SNTG1: variants seen among roughly 807,000 people sequenced by gnomAD.
SNTG1 encodes the protein syntrophin gamma 1.
In SNTG1, 39 loss-of-function variants were observed where a neutral mutation model predicts 74.7. The ratio of observed to expected loss-of-function variants is 0.52; its 90% CI spans 0.40 to 0.68. SNTG1 has a LOEUF of 0.68. Among genes scored for constraint, SNTG1 ranks in the 30% least tolerant of loss-of-function variants. SNTG1 has a pLI of 0.00. For synonymous variants in SNTG1, 254 were observed against 217.1 expected, an observed-to-expected ratio of 1.17 and a Z score of -1.49; for missense variants, 685 against 609.5, an observed-to-expected ratio of 1.12 and a Z score of -1.30.
chr8:50,776,271 T>A (rs894885129), intron 18 of SNTG1, among the ~76,000 whole-genome samples: 1 of 150,684 alleles, frequency 6.6e-6, no homozygotes, highest in Non-Finnish European at 1.5e-5. Context: ...CTGTTCTTAG[T>A]GTCTACTCTC....
At chr8:50,039,325 G>T (rs1818425744) in intron 1 of SNTG1, among the ~76,000 whole-genome samples, 1 of 151,678 alleles carries the variant, frequency 6.6e-6, no homozygotes, top group Non-Finnish European at 1.5e-5. Context: ...CATGGTGGCG[G>T]GCGCCTGTAG....
intron 1 of SNTG1, among the ~76,000 whole-genome samples, chr8:49,940,841 C>T (rs1808619941): frequency 6.6e-6 from 1 of 152,086 alleles, no homozygotes; most frequent in African/African-American, 2.4e-5. Context: ...CATCATGAGA[C>T]AGGATACTGC....
At chr8:50,042,146 A>T (rs902536780) in intron 1 of SNTG1, among the ~76,000 whole-genome samples, 4 of 152,194 alleles carry the variant, frequency 2.6e-5, no homozygotes, top group South Asian at 4.1e-4. Flanking sequence ...GCCTTTATAC[A>T]TGAGACAATT....
At chr8:50,190,934 G>A (rs1194940594) in intron 2 of SNTG1, among the ~76,000 whole-genome samples, 1 of 152,068 alleles carries the variant, frequency 6.6e-6, no homozygotes, top group Non-Finnish European at 1.5e-5. Flanking sequence ...AGATAGAATG[G>A]TGCAATTATG....
rs140515432 is a variant in SNTG1 at position 50,482,922 on chromosome 8, A to G, written c.364-19856A>G. 2.6e-5 allele frequency among the ~76,000 whole-genome samples: 4 copies of G among 152,268 alleles called. No homozygotes were observed. In the East Asian group the frequency reaches 7.7e-4, roughly 29 times the overall value. On this transcript the variant is annotated intron_variant, in intron 8 of 18. Transcript: ENST00000642720. Reference sequence around the variant, plus strand: ...CATGAACACATGAAATTCCCCAAAGATGTTTTATTTATTGATTTTTCTTAT... The same window carrying G: ...CATGAACACATGAAATTCCCCAAAGGTGTTTTATTTATTGATTTTTCTTAT...
At chr8:50,249,438 G>C (rs1187403028) in intron 2 of SNTG1, among the ~76,000 whole-genome samples, 2 of 152,170 alleles carry the variant, frequency 1.3e-5, no homozygotes, top group Non-Finnish European at 2.9e-5. Context: ...GCAGCCCCTG[G>C]ACTCACATGT....
intron 9 of SNTG1, among the ~76,000 whole-genome samples, chr8:50,526,243 C>G (rs1042834585): frequency 6.6e-6 from 1 of 152,146 alleles, no homozygotes; most frequent in African/African-American, 2.4e-5. Context: ...GTCAGTGACA[C>G]AGAAACCAGA....
At chr8:50,316,995 T>A (rs2090342311) in intron 2 of SNTG1, among the ~76,000 whole-genome samples, 2 of 152,214 alleles carry the variant, frequency 1.3e-5, no homozygotes, top group South Asian at 4.1e-4. Context: ...GCAATGATTA[T>A]AAAGGTCTAA....
intron 2 of SNTG1, among the ~76,000 whole-genome samples, chr8:50,221,958 T>G (rs768053260): frequency 1.3e-5 from 2 of 152,092 alleles, no homozygotes; most frequent in Non-Finnish European, 2.9e-5. Context: ...TTTTCAAAGA[T>G]AGTTTGGTAG....
intron 13 of SNTG1, among the ~76,000 whole-genome samples, chr8:50,602,669 G>A (rs972878160): frequency 2.0e-5 from 3 of 152,104 alleles, no homozygotes; most frequent in African/African-American, 4.8e-5. Flanking sequence ...ACTGCTTATA[G>A]CATTTCTTGT....
At chr8:50,023,269 A>C (rs374885727) in intron 1 of SNTG1, among the ~76,000 whole-genome samples, 1 of 152,172 alleles carries the variant, frequency 6.6e-6, no homozygotes, top group Non-Finnish European at 1.5e-5. Flanking sequence ...GTAAGCTAGT[A>C]TTCCATTACC....
chr8:49,922,798 A>C (rs1445043659), intron 1 of SNTG1, among the ~76,000 whole-genome samples: 1 of 152,124 alleles, frequency 6.6e-6, no homozygotes, highest in African/African-American at 2.4e-5. Flanking sequence ...GACCATTGCT[A>C]TTTTTATCCT....
intron 2 of SNTG1, among the ~76,000 whole-genome samples, chr8:50,381,696 ATTAG>A (rs1323980844): frequency 7.3e-6 from 1 of 137,850 alleles, no homozygotes; most frequent in Non-Finnish European, 1.5e-5. Context: ...TATATATCCT[ATTAG>A]TTATATATAT....
intron 1 of SNTG1, among the ~76,000 whole-genome samples, chr8:50,148,501 G>T (rs1586479745): frequency 6.6e-6 from 1 of 152,246 alleles, no homozygotes; most frequent in Middle Eastern, 3.4e-3. Flanking sequence ...TTGGTGTGCT[G>T]CACCCATTAA....
At chr8:50,115,807 A>T (rs965741689) in intron 1 of SNTG1, among the ~76,000 whole-genome samples, 1 of 151,954 alleles carries the variant, frequency 6.6e-6, no homozygotes, top group Non-Finnish European at 1.5e-5. Context: ...TTAGCTTAAG[A>T]CTTATTTTAT....
intron 1 of SNTG1, among the ~76,000 whole-genome samples, chr8:49,968,442 A>T (rs999830596): frequency 7.9e-5 from 12 of 152,004 alleles, no homozygotes; most frequent in Non-Finnish European, 2.9e-5. Context: ...AGGTTGGCAC[A>T]ATGTCTTGAC....
In SNTG1 at chr8:50,346,762, G is replaced by A. The variant is rs74909533; in HGVS notation, c.-27-47450G>A. On this transcript the variant is annotated intron_variant, in intron 2 of 18. Transcript: ENST00000642720. The stretch of plus-strand genomic sequence containing the variant: ...TATTGTGGATATGGAGAAAGCATTA[G>A]TGATCTGTGTAGAAGATCAAAACAG... Among the ~76,000 whole-genome samples the A allele has an allele frequency of 2.0e-3, 298 of 152,362 alleles. 1 individual carries two copies. The highest frequency in any genetic ancestry group is 6.9e-3 in the African/African-American group (287 of 41,580).
chr8:50,787,206 T>A (rs1393492385), intron 18 of SNTG1, among the ~76,000 whole-genome samples: 1 of 151,886 alleles, frequency 6.6e-6, no homozygotes, highest in Non-Finnish European at 1.5e-5. Flanking sequence ...CCAGAGAAGA[T>A]ATTCAAATTG....
At chr8:50,265,677 G>A (rs1177573063) in intron 2 of SNTG1, among the ~76,000 whole-genome samples, 1 of 151,834 alleles carries the variant, frequency 6.6e-6, no homozygotes, top group Non-Finnish European at 1.5e-5. Context: ...AAGTAATAAA[G>A]CTATTTTTAT....
Sources: gnomAD v4.1 joint callset for allele counts (sites outside exome capture counted in the v4.1 genomes callset) on GRCh38, gnomAD v4.1.1 for gene constraint, MANE v1.5 for transcripts, NCBI Gene and HGNC (gene_info 2026-07-23, HGNC 2026-07-21) for gene names.